Variants in ZNF780A observed in about 807,000 individuals in gnomAD.
ZNF780A encodes zinc finger protein 780A.
A neutral mutation model predicts 56.7 loss-of-function variants in ZNF780A; 40 were observed. The ratio of observed to expected loss-of-function variants is 0.71; its 90% CI spans 0.55 to 0.92. The LOEUF (loss-of-function observed/expected upper bound fraction) is 0.92. Among genes scored for constraint, ZNF780A ranks in the 40% least tolerant of loss-of-function variants. ZNF780A has a pLI of 0.00. For missense variants in ZNF780A, 672 were observed against 783.3 expected (o/e 0.86, Z 1.70); for synonymous variants, 231 against 248.3 (o/e 0.93, Z 0.66).
rs1413719040 is a variant in ZNF780A, at chr19:40,074,333, C to T, written c.*183G>A. ...GTGGTAATGATATCTAAAGGTCGTC[C>T]TCCACTCCTTGCATACAAAGAGTTT... On this transcript the variant is annotated 3_prime_UTR_variant, in exon 6 of 6. Transcript: ENST00000683561. 4.7e-5 allele frequency: 72 copies of T among 1,521,960 alleles called. No individual in the cohort carries two copies. Among genetic ancestry groups the T allele is most frequent in the Non-Finnish European group, 6.0e-5 (68 of 1,139,796 alleles). 94.3% of individuals were successfully genotyped at this position (1,521,960 alleles called of 1,614,324 possible). A position where few individuals can be genotyped will look rare whatever the true frequency, so the allele number is the denominator to read the frequency against.
At chr19:40,086,619 A>G (rs1974810188) in intron 2 of ZNF780A, among the ~76,000 whole-genome samples, 1 of 152,166 alleles carries the variant, frequency 6.6e-6, no homozygotes. Flanking sequence ...TATAATTCTT[A>G]TAGAATGCCT....
intron 2 of ZNF780A, chr19:40,085,453 A>T (rs529235038): frequency 1.8e-6 from 1 of 565,766 alleles, no homozygotes; most frequent in Non-Finnish European, 2.2e-6. Flanking sequence ...ATATGATTAC[A>T]TTTGTAAAAT....
intron 5 of ZNF780A, 80 bp downstream of exon 5, chr19:40,081,739 C>T (rs1974489790): frequency 2.4e-6 from 3 of 1,240,000 alleles, no homozygotes; most frequent in Non-Finnish European, 3.5e-6. Flanking sequence ...TTTCAAACCA[C>T]ATCTCAAGTG....
Position 40,075,811 on chromosome 19 carries a change from G to T in ZNF780A, c.631C>A (p.His211Asn). The T allele has an allele frequency of 6.2e-7, 1 of 1,613,972 alleles. No individual in the cohort carries two copies. The highest frequency in any genetic ancestry group is 8.5e-7 in the Non-Finnish European group (1 of 1,179,954). The part of the protein sequence containing the change: ...AFRLHIQFTR[H>N]QKFHTGEKPF... ...TTCTCACCAGTATGAAATTTCTGAT[G>T]TCGAGTAAATTGTATGTGAAGTCGA... Residue 211 changes from histidine (H) to asparagine (N), a missense_variant, in exon 6 of 6, where the codon CAT (histidine) becomes AAT (asparagine). By Grantham distance (68) the His-to-Asn change is moderately conservative. Coordinates refer to ENST00000683561, the MANE Select transcript of ZNF780A (RefSeq NM_001142578.2).
chr19:40,076,291 T>A (rs918976852), intron 5 of ZNF780A, 82 bp from the exon 6 acceptor site: 1 of 1,355,094 alleles, frequency 7.4e-7, no homozygotes, highest in African/African-American at 1.5e-5. Context: ...ACTGAAACCA[T>A]CAATTCAAAC....
intron 2 of ZNF780A, among the ~76,000 whole-genome samples, chr19:40,088,541 T>A (rs907653602): frequency 1.4e-4 from 21 of 152,190 alleles, no homozygotes; most frequent in African/African-American, 5.1e-4. Flanking sequence ...GCTTACACAC[T>A]GTGGGTGAGA....
At chr19:40,081,526 C>T (rs191967852) in intron 5 of ZNF780A, among the ~76,000 whole-genome samples, 1 of 149,162 alleles carries the variant, frequency 6.7e-6, no homozygotes, top group Non-Finnish European at 1.5e-5. Flanking sequence ...GAGCAAGATT[C>T]CACCTTAAAA....
At chr19:40,090,805 C>A (rs1418417874) in intron 1 of ZNF780A, 101 bp downstream of exon 1, 1 of 152,362 alleles carries the variant, frequency 6.6e-6, no homozygotes, top group Non-Finnish European at 1.5e-5. Flanking sequence ...CTGAGCGCCT[C>A]CCCCTAGGCC....
chr19:40,074,545 T>C lies in ZNF780A; in HGVS notation c.1897A>G (p.Asn633Asp). ...SLPTQLNRHKNIHTGEKAS is the reference protein window; with the variant it reads ...SLPTQLNRHKDIHTGEKAS ...GATGCCTTCTCACCTGTGTGAATGT[T>C]CTTATGGCGATTAAGCTGGGTGGGA... Residue 633 changes from asparagine (N) to aspartate (D), a missense_variant, in exon 6 of 6, where the codon AAC becomes GAC. Asn to Asp is a conservative substitution (Grantham distance 23). Transcript: ENST00000683561. 1 of 1,613,980 alleles carries C rather than the reference T, an allele frequency of 6.2e-7. No homozygotes were observed. The highest frequency in any genetic ancestry group is 8.5e-7 in the Non-Finnish European group (1 of 1,179,944).
chr19:40,076,281 A>G, intron 5 of ZNF780A, 72 bp from the exon 6 acceptor site: 1 of 1,401,498 alleles, frequency 7.1e-7, no homozygotes, highest in South Asian at 1.5e-5. Flanking sequence ...CCTTTTGTCA[A>G]CTGAAACCAT....
At chr19:40,083,017 G>A (rs1974569073) in intron 4 of ZNF780A, 94 bp downstream of exon 4, 3 of 1,594,386 alleles carry the variant, frequency 1.9e-6, no homozygotes, top group Admixed American at 3.4e-5. Context: ...AAGGAATTCA[G>A]CCACCTCTTA....
intron 5 of ZNF780A, among the ~76,000 whole-genome samples, chr19:40,078,664 G>T (rs1239353853): frequency 6.6e-6 from 1 of 152,132 alleles, no homozygotes; most frequent in Non-Finnish European, 1.5e-5. Flanking sequence ...AAACTTGCCA[G>T]TCAAGGATAC....
At position 40,075,433 on chromosome 19, in the gene ZNF780A, C is replaced by A. The variant is rs1210540596; in HGVS notation, c.1009G>T (p.Glu337Ter). The stretch of plus-strand genomic sequence containing the variant: ...AGAAGAGTAAACGCCTTTCCACATT[C>A]TTTACATTCAAAGGGTTTCTCACCA... ...HTGEKPFECK[E>*]CGKAFTLLTK... The change falls in exon 6 of 6, where the codon GAA becomes TAA. Residue 337 changes from glutamate to a stop codon, truncating the protein, a stop_gained. Transcript: ENST00000683561. LOFTEE classifies it high-confidence loss of function. The A allele has an allele frequency of 3.7e-6, 6 of 1,614,062 alleles. No individual in the cohort carries two copies. Among genetic ancestry groups the A allele is most frequent in the South Asian group, 2.2e-5 (2 of 91,078 alleles).
downstream of ZNF780A, chr19:40,069,729 G>C (rs1372198348): frequency 3.3e-5 from 5 of 152,130 alleles, no homozygotes; most frequent in Non-Finnish European, 5.9e-5. Flanking sequence ...GGAGGCTGCA[G>C]TTAGGAATGT....
rs1230638361 is a variant in ZNF780A at position 40,073,933 on chromosome 19, A to G, written c.*583T>C. The G allele has an allele frequency of 9.7e-7, 1 of 1,032,500 alleles. No homozygotes were observed. Among genetic ancestry groups the G allele is most frequent in the Admixed American group, 5.0e-5 (1 of 19,900 alleles). 64.0% of individuals were successfully genotyped at this position (1,032,500 alleles called of 1,614,324 possible). A position where few individuals can be genotyped will look rare whatever the true frequency, so the allele number is the denominator to read the frequency against. On this transcript the variant is annotated 3_prime_UTR_variant, in exon 6 of 6. Transcript: ENST00000683561. ...TGCTTTCCCATATTCCTTACATTATAGCGTTTCTCACCAGTATGAATTTTA... is the reference window on the plus strand; with the variant it reads ...TGCTTTCCCATATTCCTTACATTATGGCGTTTCTCACCAGTATGAATTTTA...
At chr19:40,077,883 A>C (rs1974235523) in intron 5 of ZNF780A, among the ~76,000 whole-genome samples, 1 of 137,008 alleles carries the variant, frequency 7.3e-6, no homozygotes, top group African/African-American at 2.7e-5. Context: ...AGGAAATAAC[A>C]AAAAAAAAAA....
chr19:40,079,666 A>G (rs1465843631), intron 5 of ZNF780A, among the ~76,000 whole-genome samples: 1 of 152,216 alleles, frequency 6.6e-6, no homozygotes, highest in Non-Finnish European at 1.5e-5. Context: ...ATGAGAAATC[A>G]GTAACAAGAG....
intron 2 of ZNF780A, among the ~76,000 whole-genome samples, chr19:40,087,413 C>T (rs1191218985): frequency 3.3e-5 from 5 of 152,198 alleles, no homozygotes; most frequent in Admixed American, 2.6e-4. Flanking sequence ...AACATCACCC[C>T]AGCTGAGAAC....
chr19:40,080,311 A>G (rs1264854748), intron 5 of ZNF780A, among the ~76,000 whole-genome samples: 2 of 152,208 alleles, frequency 1.3e-5, no homozygotes, highest in African/African-American at 2.4e-5. Flanking sequence ...CTGGCATACC[A>G]TGAAACCAAA....
Sources: allele counts gnomAD v4.1 joint callset (sites outside exome capture counted in the v4.1 genomes callset), GRCh38; gene constraint gnomAD v4.1.1; transcripts MANE v1.5; gene names NCBI Gene and HGNC (gene_info 2026-07-23, HGNC 2026-07-21).